GALNT18: variants seen among roughly 807,000 people sequenced by gnomAD.
The protein encoded by GALNT18 is polypeptide N-acetylgalactosaminyltransferase 18, also known as GalNAc-transferase 18.
A neutral mutation model predicts 69.5 loss-of-function variants in GALNT18; 44 were observed. The observed-to-expected ratio is 0.63, with a 90% CI of 0.50 to 0.81. The LOEUF is 0.81. Ranked by LOEUF, GALNT18 falls within the 40% of genes least tolerant of loss-of-function variation. The pLI is 0.00. For synonymous variants in GALNT18, 364 were observed against 318.2 expected, an observed-to-expected ratio of 1.14 and a Z score of -1.53; for missense variants, 715 against 810.0, an observed-to-expected ratio of 0.88 and a Z score of 1.42.
At position 11,600,747 on chromosome 11, in the gene GALNT18, A is replaced by G. The variant is rs1303179723; in HGVS notation, c.235+20612T>C. On this transcript the variant is annotated intron_variant, in intron 1 of 10. Transcript: ENST00000227756. The surrounding 1 kb of genome is among the most constrained non-coding windows in gnomAD (Gnocchi z 4.8). ...TATTTTTTGGCTTCTTTCTTCTTTC[A>G]TTCAAGTATTCCCATTAAACTTAAC... Among the ~76,000 whole-genome samples, 2 of 152,012 alleles carry G rather than the reference A, an allele frequency of 1.3e-5. No homozygotes were observed. The highest frequency in any genetic ancestry group is 2.9e-5 in the Non-Finnish European group (2 of 67,988).
intron 1 of GALNT18, among the ~76,000 whole-genome samples, chr11:11,502,739 T>C (rs1489746552): frequency 1.3e-5 from 2 of 152,216 alleles, no homozygotes; most frequent in African/African-American, 4.8e-5. Flanking sequence ...TTTGCTAAAT[T>C]ATCCTTCCAG....
At chr11:11,426,086 G>A (rs574833843) in intron 3 of GALNT18, among the ~76,000 whole-genome samples, 1 of 152,346 alleles carries the variant, frequency 6.6e-6, no homozygotes, top group African/African-American at 2.4e-5. Flanking sequence ...TCGAGCTGCA[G>A]AGCAGGCAGA....
intron 1 of GALNT18, among the ~76,000 whole-genome samples, chr11:11,533,457 C>G (rs562705361): frequency 6.6e-6 from 1 of 152,172 alleles, no homozygotes; most frequent in Non-Finnish European, 1.5e-5. Context: ...CCACAGTGCT[C>G]TTTATCCACA....
chr11:11,450,719 C>A (rs1293188106), intron 1 of GALNT18, among the ~76,000 whole-genome samples: 1 of 152,230 alleles, frequency 6.6e-6, no homozygotes, highest in Non-Finnish European at 1.5e-5. Context: ...GATGAGTGCT[C>A]ACTCCTACCA....
In GALNT18 at chr11:11,573,381, T is replaced by C. The variant is rs189788259; in HGVS notation, c.235+47978A>G. ...GCTCCTTCTCTTACACTAAGGTACATGTGCCCACCTAAGTATCAGCCAAGC... is the reference window on the plus strand; with the variant it reads ...GCTCCTTCTCTTACACTAAGGTACACGTGCCCACCTAAGTATCAGCCAAGC... On this transcript the variant is annotated intron_variant, in intron 1 of 10. Transcript: ENST00000227756. The surrounding 1 kb of genome is among the most constrained non-coding windows in gnomAD (Gnocchi z 4.6). 10 of 152,370 alleles carry C rather than the reference T, an allele frequency of 6.6e-5. No individual in the cohort carries two copies. The highest frequency in any genetic ancestry group is 2.4e-4 in the African/African-American group (10 of 41,582). 9.4% of individuals were successfully genotyped at this position (152,370 alleles called of 1,614,324 possible).
In GALNT18 at chr11:11,538,862, C is replaced by T. The variant is rs1408934625; in HGVS notation, c.235+82497G>A. 2.6e-5 allele frequency among the ~76,000 whole-genome samples: 4 copies of T among 152,174 alleles called. No homozygotes were observed. Among genetic ancestry groups the T allele is most frequent in the Non-Finnish European group, 4.4e-5 (3 of 68,032 alleles). On this transcript the variant is annotated intron_variant, in intron 1 of 10. Transcript: ENST00000227756. This position sits in a 1 kb window ranked among gnomAD's most constrained non-coding sequence, Gnocchi z 5.2. ...TGTGGTTCCCATCTGCACAGCACTG[C>T]CTGGCCTCCCACCCAAACCTTCAGA...
chr11:11,552,826 C>T (rs1858231797), intron 1 of GALNT18, among the ~76,000 whole-genome samples: 1 of 152,146 alleles, frequency 6.6e-6, no homozygotes, highest in Non-Finnish European at 1.5e-5. Flanking sequence ...AGACAACAGC[C>T]TGGTTTATTA....
intron 10 of GALNT18, among the ~76,000 whole-genome samples, chr11:11,282,896 T>C (rs1368270753): frequency 6.6e-6 from 1 of 150,820 alleles, no homozygotes; most frequent in African/African-American, 2.4e-5. Context: ...TGCGAGAAGG[T>C]GATAAGGTTG....
rs1395968877 is a variant in GALNT18, at chr11:11,542,146, C to T, written c.235+79213G>A. 1.3e-5 allele frequency among the ~76,000 whole-genome samples: 2 copies of T among 152,224 alleles called. No individual in the cohort carries two copies. The highest frequency in any genetic ancestry group is 2.9e-5 in the Non-Finnish European group (2 of 68,046). ...CACAAGCTAGTGGGTCCATCTCAAT[C>T]ACTTAAGCTTATTTACTGACCATTA... is the stretch of plus-strand genomic sequence containing the variant. On this transcript the variant is annotated intron_variant, in intron 1 of 10. Coordinates refer to ENST00000227756, the MANE Select transcript of GALNT18 (RefSeq NM_198516.3). This position sits in a 1 kb window ranked among gnomAD's most constrained non-coding sequence, Gnocchi z 4.3.
intron 6 of GALNT18, among the ~76,000 whole-genome samples, chr11:11,370,927 C>T (rs1850887234): frequency 6.6e-6 from 1 of 152,156 alleles, no homozygotes; most frequent in Admixed American, 6.5e-5. Flanking sequence ...AGCATTTATC[C>T]AGGAGCAGTG....
At position 11,415,378 on chromosome 11, in the gene GALNT18, C is replaced by A. The variant is rs1164408012; in HGVS notation, c.595+17243G>T. Among the ~76,000 whole-genome samples, 1 of 152,112 alleles carries A rather than the reference C, an allele frequency of 6.6e-6. No individual in the cohort carries two copies. Among genetic ancestry groups the A allele is most frequent in the Non-Finnish European group, 1.5e-5 (1 of 68,024 alleles). On this transcript the variant is annotated intron_variant, in intron 3 of 10. Transcript: ENST00000227756. The surrounding 1 kb of genome is among the most constrained non-coding windows in gnomAD (Gnocchi z 4.1). ...CTTAGAATTCTGCCCACACAGTGAT[C>A]AATAAATAGTTGCCGAATGAGAAAA...
At chr11:11,517,399 C>T (rs1021348463) in intron 1 of GALNT18, among the ~76,000 whole-genome samples, 6 of 152,158 alleles carry the variant, frequency 3.9e-5, no homozygotes, top group African/African-American at 1.4e-4. Context: ...TTTTAATTGC[C>T]TGTAAGTACA....
At chr11:11,293,533 C>CTTTTTTT (rs34166465) in intron 9 of GALNT18, among the ~76,000 whole-genome samples, 33 of 80,184 alleles carry the variant, frequency 4.1e-4, no homozygotes, top group East Asian at 7.3e-4. Flanking sequence ...ACAAACCCCT[C>CTTTTTTT]TTTTTTTTTT....
intron 1 of GALNT18, among the ~76,000 whole-genome samples, chr11:11,453,032 C>T (rs1855840778): frequency 6.6e-6 from 1 of 152,156 alleles, no homozygotes; most frequent in African/African-American, 2.4e-5. Context: ...TACTCGCCCC[C>T]TGCCCTCACC....
intron 1 of GALNT18, among the ~76,000 whole-genome samples, chr11:11,507,627 T>C (rs1857091043): frequency 6.6e-6 from 1 of 152,214 alleles, no homozygotes; most frequent in African/African-American, 2.4e-5. Flanking sequence ...AAAACATATA[T>C]ATTCCCTTTC....
chr11:11,522,010 T>C (rs1277276115), intron 1 of GALNT18, among the ~76,000 whole-genome samples: 1 of 151,956 alleles, frequency 6.6e-6, no homozygotes, highest in African/African-American at 2.4e-5. Context: ...AAGAATCAAA[T>C]ATCAGACACA....
chr11:11,462,147 G>A (rs1163776795), intron 1 of GALNT18, among the ~76,000 whole-genome samples: 3 of 152,196 alleles, frequency 2.0e-5, no homozygotes, highest in Non-Finnish European at 2.9e-5. Flanking sequence ...TGCATTTCTA[G>A]CAAGTTATGA....
chr11:11,504,360 T>C (rs1857028978), intron 1 of GALNT18, among the ~76,000 whole-genome samples: 1 of 152,064 alleles, frequency 6.6e-6, no homozygotes, highest in Admixed American at 6.6e-5. Flanking sequence ...CTGGGCACAC[T>C]CCTGACTCCC....
At chr11:11,577,156 A>G (rs1858944968) in intron 1 of GALNT18, among the ~76,000 whole-genome samples, 1 of 152,216 alleles carries the variant, frequency 6.6e-6, no homozygotes, top group Non-Finnish European at 1.5e-5. Context: ...ATGAAATGAA[A>G]TAACGTATGT....
Sources: allele counts gnomAD v4.1 joint callset (sites outside exome capture counted in the v4.1 genomes callset), GRCh38; gene constraint gnomAD v4.1.1; non-coding constraint Gnocchi (gnomAD v3.1); transcripts MANE v1.5; gene names NCBI Gene and HGNC (gene_info 2026-07-23, HGNC 2026-07-21).